The following NEK11 variants were observed in gnomAD, a reference collection of about 807,000 sequenced individuals.
NEK11 encodes the protein NIMA related kinase 11.
NEK11 carries 72 observed loss-of-function variants against 80.7 expected under a neutral mutation model. That is an observed-to-expected ratio of 0.89 (90% CI 0.74 to 1.08). NEK11 has a LOEUF of 1.08. Among genes scored for constraint, NEK11 ranks in the 50% least tolerant of loss-of-function variants. NEK11 has a pLI of 0.00. For synonymous variants in NEK11, 251 were observed against 260.7 expected, an observed-to-expected ratio of 0.96 and a Z score of 0.36; for missense variants, 764 against 763.6, an observed-to-expected ratio of 1.00 and a Z score of -0.01.
chr3:131,280,941 G>C (rs1227596301), intron 17 of NEK11, among the ~76,000 whole-genome samples: 1 of 152,198 alleles, frequency 6.6e-6, no homozygotes, highest in Non-Finnish European at 1.5e-5. Context: ...AGGTTTACCA[G>C]TTTGGCAAGT....
intron 17 of NEK11, among the ~76,000 whole-genome samples, chr3:131,339,475 G>T (rs1328711036): frequency 6.6e-6 from 1 of 152,098 alleles, no homozygotes; most frequent in Non-Finnish European, 1.5e-5. Context: ...ACGGGGCTTC[G>T]GTCTTTTCAC....
chr3:131,141,078 G>T (rs1481570966), intron 7 of NEK11, among the ~76,000 whole-genome samples: 1 of 151,974 alleles, frequency 6.6e-6, no homozygotes, highest in Admixed American at 6.6e-5. Flanking sequence ...GTAAATTAGG[G>T]CTTCTCCTCC....
intron 14 of NEK11, among the ~76,000 whole-genome samples, chr3:131,226,299 G>A (rs2095193395): frequency 6.6e-6 from 1 of 152,118 alleles, no homozygotes; most frequent in Non-Finnish European, 1.5e-5. Flanking sequence ...TGATTCTCTT[G>A]TCGTTCTCAG....
intron 11 of NEK11, among the ~76,000 whole-genome samples, chr3:131,164,076 A>C (rs960187890): frequency 1.3e-5 from 2 of 152,204 alleles, no homozygotes; most frequent in Non-Finnish European, 2.9e-5. Flanking sequence ...ACTTAGAATG[A>C]ATATCATGAT....
chr3:131,230,742 A>C (rs1470796230), intron 15 of NEK11, among the ~76,000 whole-genome samples: 1 of 152,072 alleles, frequency 6.6e-6, no homozygotes, highest in Non-Finnish European at 1.5e-5. Flanking sequence ...ATTTTAAGTA[A>C]TCTATTGGGA....
chr3:131,241,594 T>A (rs2095519901), intron 15 of NEK11, among the ~76,000 whole-genome samples: 1 of 152,124 alleles, frequency 6.6e-6, no homozygotes, highest in African/African-American at 2.4e-5. Flanking sequence ...CTGAAATGTG[T>A]GTTCTAAAAA....
intron 14 of NEK11, among the ~76,000 whole-genome samples, chr3:131,184,073 A>G (rs1023725616): frequency 6.6e-6 from 1 of 152,190 alleles, no homozygotes; most frequent in Non-Finnish European, 1.5e-5. Flanking sequence ...TCAGTAAATC[A>G]TATTCCTATA....
chr3:131,103,368 T>C (rs901311868), intron 4 of NEK11, among the ~76,000 whole-genome samples: 5 of 152,374 alleles, frequency 3.3e-5, no homozygotes, highest in African/African-American at 1.2e-4. Flanking sequence ...AGAGGGCCAA[T>C]GCTCTATGCA....
intron 10 of NEK11, among the ~76,000 whole-genome samples, chr3:131,160,634 C>T (rs529631900): frequency 2.4e-4 from 37 of 152,262 alleles, no homozygotes; most frequent in African/African-American, 8.9e-4. Flanking sequence ...GGCACAGTGT[C>T]GAGTTGGATA....
At chr3:131,032,473 A>G (rs2109322460) in intron 3 of NEK11, among the ~76,000 whole-genome samples, 1 of 152,362 alleles carries the variant, frequency 6.6e-6, no homozygotes, top group African/African-American at 2.4e-5. Flanking sequence ...ATACAGCTGC[A>G]TCACACCTTT....
intron 3 of NEK11, among the ~76,000 whole-genome samples, chr3:131,059,537 T>G (rs893076489): frequency 1.3e-5 from 2 of 152,212 alleles, no homozygotes; most frequent in African/African-American, 4.8e-5. Context: ...ATTGATGCCC[T>G]TTAAATGTAC....
chr3:131,081,923 G>GTT (rs1163312139), intron 4 of NEK11, among the ~76,000 whole-genome samples: 5 of 152,230 alleles, frequency 3.3e-5, no homozygotes, highest in Admixed American at 2.0e-4. Context: ...ATTAGCTGAT[G>GTT]TATCACCCAA....
intron 15 of NEK11, among the ~76,000 whole-genome samples, chr3:131,241,966 A>G (rs940142208): frequency 2.0e-5 from 3 of 152,088 alleles, no homozygotes; most frequent in African/African-American, 7.2e-5. Flanking sequence ...ATTATTTTCA[A>G]TATTTGTATT....
intron 4 of NEK11, among the ~76,000 whole-genome samples, chr3:131,086,406 G>A (rs916743448): frequency 6.6e-6 from 1 of 152,172 alleles, no homozygotes; most frequent in African/African-American, 2.4e-5. Context: ...AGGAAGAGCT[G>A]CTGCTTCTCC....
At chr3:131,267,641 A>T (rs79022738) in intron 16 of NEK11, among the ~76,000 whole-genome samples, 1 of 151,090 alleles carries the variant, frequency 6.6e-6, no homozygotes, top group Admixed American at 6.6e-5. Context: ...TGAGAGATCC[A>T]CTGTTAGTCT....
Position 131,221,659 on chromosome 3 carries a change from C to T in NEK11, c.1400-6869C>T, listed in dbSNP as rs147693934. Among the ~76,000 whole-genome samples, 652 of 152,274 alleles carry T rather than the reference C, an allele frequency of 4.3e-3. 4 individuals are homozygous for T. The highest frequency in any genetic ancestry group is 0.01 in the Middle Eastern group (3 of 294). ...AGGCAAAGTTCCTGTTTTATGAAAACACTCTTTTTTAAAAAAATTGTTAAT... is the reference window on the plus strand; with the variant it reads ...AGGCAAAGTTCCTGTTTTATGAAAATACTCTTTTTTAAAAAAATTGTTAAT... On this transcript the variant is annotated intron_variant, in intron 14 of 17. Transcript: ENST00000383366.
At chr3:131,234,281 G>T (rs1402456157) in intron 15 of NEK11, among the ~76,000 whole-genome samples, 3 of 152,168 alleles carry the variant, frequency 2.0e-5, no homozygotes, top group Non-Finnish European at 4.4e-5. Context: ...TCTTTTTTAA[G>T]ATAAGTTGCC....
At chr3:131,310,016 A>C (rs1245361196) in intron 17 of NEK11, among the ~76,000 whole-genome samples, 2 of 141,146 alleles carry the variant, frequency 1.4e-5, no homozygotes, top group Non-Finnish European at 3.0e-5. Flanking sequence ...AAAAAAAAAA[A>C]AAAAAAACAA....
At chr3:131,087,656 A>G (rs572006058) in intron 4 of NEK11, among the ~76,000 whole-genome samples, 9 of 152,196 alleles carry the variant, frequency 5.9e-5, no homozygotes, top group African/African-American at 1.7e-4. Flanking sequence ...TTTTTTATGC[A>G]AAAGTATTTA....
Sources: allele counts gnomAD v4.1 joint callset (sites outside exome capture counted in the v4.1 genomes callset), GRCh38; gene constraint gnomAD v4.1.1; transcripts MANE v1.5; gene names NCBI Gene and HGNC (gene_info 2026-07-23, HGNC 2026-07-21).